The following LARGE1 variants were observed in gnomAD, a reference collection of about 807,000 sequenced individuals.
LARGE1 encodes xylosyl- and glucuronyltransferase LARGE1.
A neutral mutation model predicts 87.6 loss-of-function variants in LARGE1; 43 were observed. The observed-to-expected ratio is 0.49, with a 90% CI of 0.38 to 0.63. The LOEUF (loss-of-function observed/expected upper bound fraction) is 0.63. Ranked by LOEUF, LARGE1 falls within the 30% of genes least tolerant of loss-of-function variation. The probability of loss-of-function intolerance (pLI) is 0.00; values close to 1 mark genes in which losing one functional copy is unlikely to be tolerated. For missense variants in LARGE1, 802 were observed against 1,000.2 expected (o/e 0.80, Z 2.67); for synonymous variants, 434 against 394.6 (o/e 1.10, Z -1.18).
intron 2 of LARGE1, among the ~76,000 whole-genome samples, chr22:33,742,783 T>C (rs2083935150): frequency 6.6e-6 from 1 of 152,184 alleles, no homozygotes; most frequent in East Asian, 1.9e-4. Context: ...CCAAATAATG[T>C]CTTTTTTTAA....
At chr22:33,714,281 A>G (rs1356310921) in intron 2 of LARGE1, among the ~76,000 whole-genome samples, 1 of 152,170 alleles carries the variant, frequency 6.6e-6, no homozygotes, top group Non-Finnish European at 1.5e-5. Flanking sequence ...TCGTTCAGAG[A>G]ACAGCCTCAC....
At chr22:33,069,718 A>T in the LARGE1 span, among the ~76,000 whole-genome samples, 3 of 152,114 alleles carry the variant, frequency 2.0e-5, no homozygotes, top group Non-Finnish European at 4.4e-5. Flanking sequence ...AATACATTGT[A>T]TGTACTAGGC....
At chr22:33,768,035 C>T (rs147563409) in intron 1 of LARGE1, among the ~76,000 whole-genome samples, 181 of 152,340 alleles carry the variant, frequency 1.2e-3, no homozygotes, top group African/African-American at 4.2e-3. Flanking sequence ...ATAGGCCGGG[C>T]GTGGTGGCTG....
At chr22:33,603,929 A>C (rs2079177277) in intron 5 of LARGE1, among the ~76,000 whole-genome samples, 1 of 152,236 alleles carries the variant, frequency 6.6e-6, no homozygotes, top group Non-Finnish European at 1.5e-5. Context: ...TTTTTAAAGC[A>C]CATTCAAATA....
intron 2 of LARGE1, among the ~76,000 whole-genome samples, chr22:33,670,404 G>C (rs2081375195): frequency 6.6e-6 from 1 of 151,674 alleles, no homozygotes; most frequent in Admixed American, 6.6e-5. Flanking sequence ...GATTAGAAAG[G>C]TGAGCACCAA....
intron 11 of LARGE1, among the ~76,000 whole-genome samples, chr22:33,225,419 G>A (rs1925683793): frequency 6.6e-6 from 1 of 152,146 alleles, no homozygotes; most frequent in South Asian, 2.1e-4. Flanking sequence ...ATAAACATTG[G>A]ATGCCCATAT....
intron 6 of LARGE1, among the ~76,000 whole-genome samples, chr22:33,548,245 TTTGC>T (rs1271355602): frequency 6.6e-6 from 1 of 152,176 alleles, no homozygotes; most frequent in African/African-American, 2.4e-5. Flanking sequence ...CCTACGCTCT[TTTGC>T]TTTTGCTTCT....
At chr22:33,770,550 T>C (rs1234087652) in intron 1 of LARGE1, among the ~76,000 whole-genome samples, 1 of 152,070 alleles carries the variant, frequency 6.6e-6, no homozygotes, top group Non-Finnish European at 1.5e-5. Flanking sequence ...CTGGGCATGG[T>C]GGCATCTGCC....
intron 4 of LARGE1, among the ~76,000 whole-genome samples, chr22:33,617,743 C>A (rs918177886): frequency 6.6e-6 from 1 of 152,080 alleles, no homozygotes; most frequent in Non-Finnish European, 1.5e-5. Flanking sequence ...ACAGACCAGA[C>A]CACAATTCTA....
chr22:33,771,002 G>A lies in LARGE1; in HGVS notation c.-82-9444C>T, dbSNP rs936508680. Among the ~76,000 whole-genome samples the A allele has an allele frequency of 2.6e-5, 4 of 151,956 alleles. No individual in the cohort carries two copies. In the East Asian group the frequency reaches 5.8e-4, roughly 22 times the overall value. On this transcript the variant is annotated intron_variant, in intron 1 of 14. Coordinates refer to ENST00000397394, the MANE Select transcript of LARGE1 (RefSeq NM_133642.5). ...CTAGGCCTTGTCATCACCCAAAGCAGCACAACCTGCATGGTTTAAAATGTC... is the reference window on the plus strand; with the variant it reads ...CTAGGCCTTGTCATCACCCAAAGCAACACAACCTGCATGGTTTAAAATGTC...
intron 12 of LARGE1, among the ~76,000 whole-genome samples, chr22:33,286,390 T>C (rs781673943): frequency 6.6e-6 from 1 of 152,090 alleles, no homozygotes; most frequent in East Asian, 1.9e-4. Flanking sequence ...CTAAAGAATA[T>C]ACTTGGACCA....
chr22:33,321,958 A>T (rs1054630901), intron 10 of LARGE1, among the ~76,000 whole-genome samples: 2 of 152,116 alleles, frequency 1.3e-5, no homozygotes, highest in African/African-American at 4.8e-5. Flanking sequence ...AGCTGGGATT[A>T]CAGGTGCGCA....
chr22:33,136,799 G>A, the LARGE1 span, among the ~76,000 whole-genome samples: 1 of 152,248 alleles, frequency 6.6e-6, no homozygotes, highest in East Asian at 1.9e-4. Flanking sequence ...ATGTGATCCA[G>A]GGAAAGCTAA....
intron 11 of LARGE1, among the ~76,000 whole-genome samples, chr22:33,168,544 C>T (rs2146130303): frequency 6.6e-6 from 1 of 152,246 alleles, no homozygotes; most frequent in Admixed American, 6.5e-5. Flanking sequence ...TTAAGTGCTA[C>T]ATATTCAAAA....
intron 11 of LARGE1, among the ~76,000 whole-genome samples, chr22:33,312,017 A>T (rs1344545286): frequency 6.6e-6 from 1 of 152,208 alleles, no homozygotes; most frequent in African/African-American, 2.4e-5. Context: ...ACAAATATTA[A>T]GATTCTGGTC....
intron 11 of LARGE1, among the ~76,000 whole-genome samples, chr22:33,253,703 C>T (rs1038158912): frequency 6.6e-6 from 1 of 152,304 alleles, no homozygotes; most frequent in East Asian, 1.9e-4. Flanking sequence ...CAGAGCGAGA[C>T]TCCATCGCAG....
intron 11 of LARGE1, among the ~76,000 whole-genome samples, chr22:33,220,102 G>A (rs9306274): frequency 0.18 from 28,069 of 152,118 alleles, 2,878 homozygotes; most frequent in South Asian, 0.31. Context: ...CCTGAATTCC[G>A]CTGCAGAGGG....
intron 1 of LARGE1, among the ~76,000 whole-genome samples, chr22:33,814,479 G>C (rs1263721066): frequency 2.0e-5 from 3 of 152,132 alleles, no homozygotes; most frequent in Non-Finnish European, 4.4e-5. Context: ...TGTAGATGTG[G>C]TTAATATCTA....
intron 5 of LARGE1, among the ~76,000 whole-genome samples, chr22:33,589,624 T>C (rs1569294982): frequency 6.6e-6 from 1 of 152,174 alleles, no homozygotes; most frequent in Admixed American, 6.5e-5. Flanking sequence ...GGACACACCA[T>C]TGTTCATATT....
Sources: allele counts gnomAD v4.1 joint callset (sites outside exome capture counted in the v4.1 genomes callset), GRCh38; gene constraint gnomAD v4.1.1; transcripts MANE v1.5; gene names NCBI Gene and HGNC (gene_info 2026-07-23, HGNC 2026-07-21).